Variants in MGRN1 observed in about 807,000 individuals in gnomAD.
MGRN1 encodes the protein mahogunin ring finger 1.
Under a neutral mutation model 69.2 loss-of-function variants are expected in MGRN1, and 29 were observed. The ratio of observed to expected loss-of-function variants is 0.42; its 90% CI spans 0.31 to 0.57. The LOEUF is 0.57. MGRN1 is among the 20% of genes least tolerant of loss of function. MGRN1 has a pLI of 0.15. For missense variants in MGRN1, 998 were observed against 796.2 expected, an observed-to-expected ratio of 1.25 and a Z score of -3.05; for synonymous variants, 470 against 344.2, an observed-to-expected ratio of 1.37 and a Z score of -4.04.
rs911221094 is a variant in MGRN1 at position 4,657,193 on chromosome 16, C to T, written c.444-53C>T. On this transcript the variant is annotated intron_variant, in intron 4 of 16. Transcript: ENST00000262370. The stretch of plus-strand genomic sequence containing the variant: ...GCTGTCGGAGTGGGAGGGACGGGCA[C>T]GGAGGGCCCTCTTCCTGCCGCAGCC... 2.6e-5 allele frequency: 40 copies of T among 1,542,618 alleles called. No individual in the cohort carries two copies. In the African/African-American group the frequency reaches 3.3e-4, roughly 13 times the overall value.
intron 10 of MGRN1, among the ~76,000 whole-genome samples, chr16:4,674,156 T>G (rs1299531175): frequency 6.6e-6 from 1 of 152,128 alleles, no homozygotes; most frequent in Admixed American, 6.5e-5. Context: ...AGCTAATATT[T>G]TACTTTTATT....
intron 4 of MGRN1, among the ~76,000 whole-genome samples, chr16:4,656,316 A>T (rs114275955): frequency 0.019 from 2,825 of 152,324 alleles, 45 homozygotes; most frequent in South Asian, 0.074. Context: ...GCCCTGACTG[A>T]ATCAGTAAAA....
At chr16:4,680,673 A>T (rs137913607) in intron 12 of MGRN1, 1 of 153,450 alleles carries the variant, frequency 6.5e-6, no homozygotes, top group Non-Finnish European at 1.5e-5. Flanking sequence ...TCCTTTCTAG[A>T]GGGGTGAGGG....
intron 16 of MGRN1, among the ~76,000 whole-genome samples, chr16:4,685,148 CAG>C (rs1485579782): frequency 2.0e-5 from 3 of 152,234 alleles, no homozygotes; most frequent in Non-Finnish European, 2.9e-5. Context: ...TAAAGTGACA[CAG>C]AATTCGAGTA....
intron 1 of MGRN1, chr16:4,635,029 C>T (rs1267500353): frequency 6.6e-6 from 1 of 152,264 alleles, no homozygotes; most frequent in African/African-American, 2.4e-5. Context: ...CCCAGGGAGC[C>T]TTCTGGGGAA....
At chr16:4,687,398 G>T in intron 16 of MGRN1, 4 of 907,402 alleles carry the variant, frequency 4.4e-6, no homozygotes, top group African/African-American at 1.8e-5. Flanking sequence ...TAAAAAATTG[G>T]CTTGGGCGTG....
chr16:4,673,794 G>T (rs1430772645), intron 10 of MGRN1, 137 bp downstream of exon 10: 1 of 1,153,806 alleles, frequency 8.7e-7, no homozygotes. Flanking sequence ...AGTCTGTGCT[G>T]AACGTGGGCG....
chr16:4,651,910 G>A, intron 2 of MGRN1, 53 bp from the exon 3 acceptor site: 7 of 1,546,860 alleles, frequency 4.5e-6, no homozygotes, highest in Non-Finnish European at 6.3e-6. Context: ...CCCGTTTTCT[G>A]TTGTTGGCTG....
chr16:4,673,583 G>T lies in MGRN1; in HGVS notation c.881G>T (p.Arg294Leu), dbSNP rs201033314. The change falls in exon 10 of 17, where the codon CGC becomes CTC. Residue 294 changes from arginine to leucine, a missense_variant. Transcript: ENST00000262370. ...CGGGACACGCTGATCCTGCCCTGCC[G>T]CCACCTGTGCCTCTGTACCTCCTGC... ...DLRDTLILPC[R>L]HLCLCTSCAD... The T allele has an allele frequency of 6.2e-7, 1 of 1,613,596 alleles. No individual in the cohort carries two copies. Among genetic ancestry groups the T allele is most frequent in the African/African-American group, 1.3e-5 (1 of 74,918 alleles).
intron 1 of MGRN1, among the ~76,000 whole-genome samples, chr16:4,648,090 C>T (rs1417978475): frequency 6.6e-6 from 1 of 152,140 alleles, no homozygotes; most frequent in Admixed American, 6.5e-5. Flanking sequence ...GGTGGGAATT[C>T]TGAGAAGGAA....
At chr16:4,658,832 A>G (rs974751320) in intron 5 of MGRN1, 1 of 152,136 alleles carries the variant, frequency 6.6e-6, no homozygotes, top group Non-Finnish European at 1.5e-5. Flanking sequence ...CCTTGTCTCT[A>G]TGAAAAATAC....
rs552963124 is a variant in MGRN1, at chr16:4,678,318, AAGAC to A, written c.1065+754_1065+757del. On this transcript the variant is annotated intron_variant, in intron 11 of 16. Coordinates refer to ENST00000262370, the MANE Select transcript of MGRN1 (RefSeq NM_015246.4). ...GTGGAACCCTGGCTTCAAGGACCCA[AAGAC>A]AGACAGAGACATGGAGAGAGATGCA... is the stretch of plus-strand genomic sequence containing the variant. Among the ~76,000 whole-genome samples the A allele has an allele frequency of 4.9e-3, 752 of 152,334 alleles. 5 individuals carry two copies. Among genetic ancestry groups the A allele is most frequent in the African/African-American group, 0.017 (715 of 41,584 alleles).
At chr16:4,671,527 A>C in intron 9 of MGRN1, 68 bp downstream of exon 9, 1 of 1,463,238 alleles carries the variant, frequency 6.8e-7, no homozygotes, top group Non-Finnish European at 9.6e-7. Flanking sequence ...CGCGGACAGC[A>C]ATGCTTGCCG....
At chr16:4,653,988 G>C (rs529901178) in intron 4 of MGRN1, among the ~76,000 whole-genome samples, 1 of 152,152 alleles carries the variant, frequency 6.6e-6, no homozygotes, top group Non-Finnish European at 1.5e-5. Context: ...TCGACCTCAG[G>C]TGATCCACCT....
At chr16:4,638,069 C>G (rs1596262648) in intron 1 of MGRN1, among the ~76,000 whole-genome samples, 1 of 152,330 alleles carries the variant, frequency 6.6e-6, no homozygotes, top group East Asian at 1.9e-4. Flanking sequence ...AAAGGGACTT[C>G]TAGCCAGTGT....
chr16:4,674,616 C>CTTTTTTTTTTTTTTTTTTTTTTTTT (rs2079014015), intron 10 of MGRN1, among the ~76,000 whole-genome samples: 2 of 71,410 alleles, frequency 2.8e-5, no homozygotes, highest in Non-Finnish European at 5.4e-5. Context: ...TTTTTCTTTT[C>CTTTTTTTTTTTTTTTTTTTTTTTTT]TTTTCTTTTC....
intron 1 of MGRN1, among the ~76,000 whole-genome samples, chr16:4,647,525 C>A (rs1195814171): frequency 1.3e-5 from 2 of 152,228 alleles, no homozygotes; most frequent in East Asian, 3.8e-4. Context: ...TGCTCTGCAC[C>A]AATTTCCCTG....
intron 1 of MGRN1, among the ~76,000 whole-genome samples, chr16:4,641,410 C>G (rs1355998334): frequency 6.8e-6 from 1 of 146,578 alleles, no homozygotes; most frequent in Non-Finnish European, 1.6e-5. Context: ...GCCCAGGGGC[C>G]CAATCATAGC....
At chr16:4,632,106 G>A (rs841177) in intron 1 of MGRN1, among the ~76,000 whole-genome samples, 3 of 141,640 alleles carry the variant, frequency 2.1e-5, no homozygotes, top group African/African-American at 5.2e-5. Context: ...CCTCTGCCTC[G>A]CAGGTTCAAG....
Sources: gnomAD v4.1 joint callset for allele counts (sites outside exome capture counted in the v4.1 genomes callset) on GRCh38, gnomAD v4.1.1 for gene constraint, MANE v1.5 for transcripts, NCBI Gene and HGNC (gene_info 2026-07-23, HGNC 2026-07-21) for gene names.